The following RGPD2 variants were observed in gnomAD, a reference collection of about 807,000 sequenced individuals.
The protein encoded by RGPD2 is RANBP2-like and GRIP domain-containing protein 2.
Under a neutral mutation model 36.0 loss-of-function variants are expected in RGPD2, and 2 were observed. The ratio of observed to expected loss-of-function variants is 0.06; its 90% CI spans 0.02 to 0.17. The LOEUF is 0.17. RGPD2 is among the 10% of genes least tolerant of loss of function. The pLI, the probability that RGPD2 is intolerant of heterozygous loss-of-function variation, is 1.00. For synonymous variants in RGPD2, 19 were observed against 163.8 expected (o/e 0.12, Z 6.75); for missense variants, 40 against 464.3 (o/e 0.09, Z 8.40).
At chr2:87,861,747 T>C in the RGPD2 span, among the ~76,000 whole-genome samples, 1 of 147,422 alleles carries the variant, frequency 6.8e-6, no homozygotes, top group African/African-American at 2.5e-5. Context: ...CCATCTTTGC[T>C]TAGGTTTTCT....
the RGPD2 span, among the ~76,000 whole-genome samples, chr2:87,948,601 G>A: frequency 2.2e-5 from 3 of 139,476 alleles, no homozygotes; most frequent in South Asian, 2.3e-4. Flanking sequence ...GGCTGGTCTC[G>A]AACTCCCGAC....
chr2:87,876,521 C>T, the RGPD2 span, among the ~76,000 whole-genome samples: 1 of 152,262 alleles, frequency 6.6e-6, no homozygotes, highest in African/African-American at 2.4e-5. Flanking sequence ...GCTCAATTTC[C>T]ATGTAGTTGT....
At chr2:87,962,588 T>C in the RGPD2 span, among the ~76,000 whole-genome samples, 1 of 151,356 alleles carries the variant, frequency 6.6e-6, no homozygotes, top group Non-Finnish European at 1.5e-5. Context: ...GGTAGTTGAT[T>C]TCTTTCACTT....
At chr2:87,973,261 C>A in the RGPD2 span, among the ~76,000 whole-genome samples, 3 of 149,416 alleles carry the variant, frequency 2.0e-5, no homozygotes, top group Non-Finnish European at 4.5e-5. Flanking sequence ...GACCCCTGCC[C>A]CCACACCCCC....
intron 9 of RGPD2, among the ~76,000 whole-genome samples, 179 bp from the exon 10 acceptor site, chr2:87,796,027 CTTGA>C (rs1424178313): frequency 1.3e-3 from 11 of 8,234 alleles, no homozygotes; most frequent in African/African-American, 4.4e-3. Flanking sequence ...TGCATTCTCA[CTTGA>C]TTATTTCTAG....
At chr2:87,972,682 C>T in the RGPD2 span, 2 of 1,543,968 alleles carry the variant, frequency 1.3e-6, no homozygotes, top group South Asian at 2.4e-5. Context: ...GCGGGAACGG[C>T]AGCGAGGAGG....
the RGPD2 span, among the ~76,000 whole-genome samples, chr2:87,841,361 A>G: frequency 6.6e-6 from 1 of 152,166 alleles, no homozygotes. Flanking sequence ...CAACCTGCAG[A>G]ACCCTGAGTC....
At chr2:87,760,854 C>T (rs564150772) in intron 22 of RGPD2, among the ~76,000 whole-genome samples, 94 of 145,444 alleles carry the variant, frequency 6.5e-4, no homozygotes, top group African/African-American at 2.1e-3. Context: ...CCTGACCTTG[C>T]GATCTGCCCG....
At chr2:87,972,710 G>C in the RGPD2 span, 9 of 1,605,276 alleles carry the variant, frequency 5.6e-6, no homozygotes, top group Non-Finnish European at 7.6e-6. Flanking sequence ...GGCACTTCGG[G>C]CGCCGCAACA....
chr2:87,937,646 C>A, the RGPD2 span, among the ~76,000 whole-genome samples: 1 of 151,868 alleles, frequency 6.6e-6, no homozygotes, highest in Non-Finnish European at 1.5e-5. Flanking sequence ...GGGATCTTCC[C>A]CCATGGCATG....
At chr2:87,918,658 T>C in the RGPD2 span, among the ~76,000 whole-genome samples, 1 of 152,078 alleles carries the variant, frequency 6.6e-6, no homozygotes, top group Non-Finnish European at 1.5e-5. Flanking sequence ...TTTCTTACAA[T>C]AGAGTAAGTG....
the RGPD2 span, among the ~76,000 whole-genome samples, chr2:87,984,264 G>A: frequency 1.9e-3 from 286 of 152,198 alleles, no homozygotes; most frequent in African/African-American, 6.0e-3. Flanking sequence ...GAATGGCACC[G>A]GCGAACCCCT....
At chr2:87,920,482 G>A in the RGPD2 span, among the ~76,000 whole-genome samples, 135 of 141,256 alleles carry the variant, frequency 9.6e-4, 2 homozygotes, top group African/African-American at 3.4e-3. Context: ...TACCTACAAC[G>A]CCCAAGCAGT....
At chr2:87,948,451 G>A in the RGPD2 span, among the ~76,000 whole-genome samples, 5 of 150,338 alleles carry the variant, frequency 3.3e-5, no homozygotes, top group Non-Finnish European at 4.4e-5. Context: ...GCACAATCTC[G>A]GCTCACCGCA....
At chr2:87,847,869 C>CG in the RGPD2 span, among the ~76,000 whole-genome samples, 1 of 139,400 alleles carries the variant, frequency 7.2e-6, no homozygotes, top group African/African-American at 2.8e-5. Context: ...TATATGTACA[C>CG]GCTCATTACA....
the RGPD2 span, among the ~76,000 whole-genome samples, chr2:87,943,794 T>C: frequency 7.2e-5 from 11 of 151,858 alleles, no homozygotes; most frequent in African/African-American, 2.7e-4. Context: ...AAGTATTTTA[T>C]GTATTTTGAG....
At chr2:87,929,405 T>C in the RGPD2 span, among the ~76,000 whole-genome samples, 3 of 150,432 alleles carry the variant, frequency 2.0e-5, no homozygotes, top group Non-Finnish European at 4.4e-5. Flanking sequence ...AGTATTGTGC[T>C]GTTTTGGTTA....
At chr2:87,882,168 G>A in the RGPD2 span, among the ~76,000 whole-genome samples, 43 of 152,220 alleles carry the variant, frequency 2.8e-4, no homozygotes, top group Non-Finnish European at 5.6e-4. Flanking sequence ...AGAGGACATC[G>A]AAACTATGTT....
the RGPD2 span, among the ~76,000 whole-genome samples, chr2:87,963,983 G>T: frequency 6.7e-6 from 1 of 149,198 alleles, no homozygotes; most frequent in Admixed American, 6.6e-5. Context: ...TTACAGGTAC[G>T]TGCCATCACA....
Sources: allele counts gnomAD v4.1 joint callset (sites outside exome capture counted in the v4.1 genomes callset), GRCh38; gene constraint gnomAD v4.1.1; transcripts MANE v1.5; gene names NCBI Gene and HGNC (gene_info 2026-07-23, HGNC 2026-07-21).